Variants in SOX6 observed in about 807,000 individuals in gnomAD.
SOX6 encodes transcription factor SOX-6.
SOX6 carries 11 observed loss-of-function variants against 97.8 expected under a neutral mutation model. The ratio of observed to expected loss-of-function variants is 0.11; its 90% confidence interval spans 0.07 to 0.19. The LOEUF is 0.19. Among genes scored for constraint, SOX6 ranks in the 10% least tolerant of loss-of-function variants. The pLI is 1.00. For synonymous variants in SOX6, 360 were observed against 371.4 expected, an observed-to-expected ratio of 0.97 and a Z score of 0.35; for missense variants, 810 against 1,039.5, an observed-to-expected ratio of 0.78 and a Z score of 3.04.
chr11:16,051,519 T>C (rs530336497), intron 10 of SOX6, among the ~76,000 whole-genome samples: 1 of 152,292 alleles, frequency 6.6e-6, no homozygotes, highest in South Asian at 2.1e-4. Flanking sequence ...TGTATATTTA[T>C]ACATAGGACA....
intron 9 of SOX6, among the ~76,000 whole-genome samples, chr11:16,068,704 T>C (rs1429645757): frequency 2.0e-5 from 3 of 152,188 alleles, no homozygotes; most frequent in African/African-American, 7.2e-5. Context: ...TTTTCCTTTC[T>C]TATTAAAACT....
intron 6 of SOX6, among the ~76,000 whole-genome samples, chr11:16,115,950 T>C (rs1465194509): frequency 6.6e-6 from 1 of 152,218 alleles, no homozygotes; most frequent in Non-Finnish European, 1.5e-5. Context: ...TCTACCATCA[T>C]TAATTGTGTA....
At chr11:16,422,779 T>A (rs1859043967) in intron 1 of SOX6, among the ~76,000 whole-genome samples, 1 of 152,150 alleles carries the variant, frequency 6.6e-6, no homozygotes, top group African/African-American at 2.4e-5. Context: ...CACAAAGCCA[T>A]GCTAATAGAG....
intron 9 of SOX6, 32 bp from the exon 10 acceptor site, chr11:16,055,933 T>C: frequency 1.2e-6 from 2 of 1,611,656 alleles, no homozygotes; most frequent in Non-Finnish European, 1.7e-6. Context: ...CATTGATCTC[T>C]TTAAATGCAG....
chr11:16,319,343 T>C (rs1218369844), intron 2 of SOX6, among the ~76,000 whole-genome samples: 1 of 152,214 alleles, frequency 6.6e-6, no homozygotes, highest in Non-Finnish European at 1.5e-5. Flanking sequence ...ATTTTTCATG[T>C]GGCATTTAAA....
chr11:16,259,516 C>T (rs1021565323), intron 3 of SOX6, among the ~76,000 whole-genome samples: 1 of 152,054 alleles, frequency 6.6e-6, no homozygotes, highest in South Asian at 2.1e-4. Flanking sequence ...AGCTGACTGC[C>T]TTATGAATTT....
intron 4 of SOX6, among the ~76,000 whole-genome samples, chr11:16,485,708 G>A (rs1273691701): frequency 6.7e-6 from 1 of 148,902 alleles, no homozygotes; most frequent in Non-Finnish European, 1.5e-5. Flanking sequence ...TCCAGCCTGG[G>A]TGATAGGGCA....
chr11:16,094,401 T>C (rs1181166625), intron 9 of SOX6, among the ~76,000 whole-genome samples: 2 of 151,686 alleles, frequency 1.3e-5, no homozygotes, highest in Non-Finnish European at 2.9e-5. Flanking sequence ...GGAAGATTGA[T>C]GGGATAGAAC....
intron 4 of SOX6, among the ~76,000 whole-genome samples, chr11:16,535,345 T>G (rs1412743360): frequency 6.6e-6 from 1 of 152,162 alleles, no homozygotes; most frequent in African/African-American, 2.4e-5. Context: ...ATAAGCAAAT[T>G]ACTTATATTT....
intron 6 of SOX6, among the ~76,000 whole-genome samples, chr11:16,144,321 A>C (rs1344585607): frequency 1.3e-5 from 2 of 152,228 alleles, no homozygotes; most frequent in Non-Finnish European, 2.9e-5. Flanking sequence ...AAGACACAAC[A>C]TACCAGAATC....
intron 3 of SOX6, among the ~76,000 whole-genome samples, chr11:16,690,905 T>C (rs566540633): frequency 6.6e-6 from 1 of 152,154 alleles, no homozygotes; most frequent in Non-Finnish European, 1.5e-5. Context: ...AATCCATAAG[T>C]GATTCAAATA....
intron 3 of SOX6, among the ~76,000 whole-genome samples, chr11:16,266,278 T>A (rs1229093525): frequency 6.6e-6 from 1 of 151,668 alleles, no homozygotes; most frequent in Non-Finnish European, 1.5e-5. Flanking sequence ...GCAACATTTT[T>A]AAGTACTAAA....
chr11:16,193,165 G>A (rs377206634), intron 4 of SOX6, among the ~76,000 whole-genome samples: 3 of 152,218 alleles, frequency 2.0e-5, no homozygotes, highest in African/African-American at 7.2e-5. Context: ...AAATGAGTAC[G>A]AGAACAGCTA....
intron 3 of SOX6, among the ~76,000 whole-genome samples, chr11:16,622,906 T>A (rs1293930062): frequency 6.6e-6 from 1 of 152,198 alleles, no homozygotes; most frequent in Non-Finnish European, 1.5e-5. Context: ...TTTCACCATA[T>A]CCACACTAAC....
chr11:16,346,289 C>T (rs986380510), intron 1 of SOX6, among the ~76,000 whole-genome samples: 2 of 151,944 alleles, frequency 1.3e-5, no homozygotes, highest in Non-Finnish European at 2.9e-5. Context: ...TGTTTAGTTG[C>T]CAAAATGCAC....
intron 4 of SOX6, among the ~76,000 whole-genome samples, chr11:16,562,410 C>T (rs1847826008): frequency 6.6e-6 from 1 of 151,966 alleles, no homozygotes; most frequent in South Asian, 2.1e-4. Context: ...GAAAAAAAGT[C>T]CCCCAAAAAA....
chr11:16,731,468 C>G (rs556823745), intron 2 of SOX6, among the ~76,000 whole-genome samples: 1,742 of 152,258 alleles, frequency 0.011, 25 homozygotes, highest in African/African-American at 0.04. Context: ...TGTAATCCAT[C>G]GCATACACAG....
intron 4 of SOX6, among the ~76,000 whole-genome samples, chr11:16,591,506 T>A (rs1286108374): frequency 6.6e-6 from 1 of 152,142 alleles, no homozygotes; most frequent in Non-Finnish European, 1.5e-5. Context: ...ATTTATGTTA[T>A]GAAAGAATAT....
intron 7 of SOX6, among the ~76,000 whole-genome samples, chr11:16,109,293 C>T (rs114121402): frequency 0.012 from 1,831 of 152,212 alleles, 35 homozygotes; most frequent in African/African-American, 0.042. Context: ...CTCAACCTAC[C>T]GGGCTCAAGC....
Sources: gnomAD v4.1 joint callset for allele counts (sites outside exome capture counted in the v4.1 genomes callset) on GRCh38, gnomAD v4.1.1 for gene constraint, MANE v1.5 for transcripts, NCBI Gene and HGNC (gene_info 2026-07-23, HGNC 2026-07-21) for gene names.